RORA: variants seen among roughly 807,000 people sequenced by gnomAD.
RORA encodes RAR related orphan receptor A, also known as nuclear receptor ROR-alpha.
RORA carries 7 observed loss-of-function variants against 69.5 expected under a neutral mutation model. The observed-to-expected ratio is 0.10, with a 90% confidence interval of 0.06 to 0.19. The LOEUF (loss-of-function observed/expected upper bound fraction) is 0.19. Ranked by LOEUF, RORA falls within the 10% of genes least tolerant of loss-of-function variation. RORA has a pLI of 1.00. For missense variants in RORA, 457 were observed against 663.0 expected (o/e 0.69, Z 3.41); for synonymous variants, 261 against 240.8 (o/e 1.08, Z -0.78).
intron 1 of RORA, among the ~76,000 whole-genome samples, chr15:60,893,634 T>C (rs1891142047): frequency 6.6e-6 from 1 of 152,080 alleles, no homozygotes; most frequent in Non-Finnish European, 1.5e-5. Context: ...GGATAAGCCC[T>C]CTAAGAAAGA....
chr15:60,514,457 G>A (rs1364431146), intron 4 of RORA, among the ~76,000 whole-genome samples, 159 bp downstream of exon 4: 1 of 152,154 alleles, frequency 6.6e-6, no homozygotes, highest in Non-Finnish European at 1.5e-5. Context: ...CAGCTGCTGT[G>A]AGTTCCATGT....
At chr15:60,854,879 G>A (rs556915510) in intron 1 of RORA, among the ~76,000 whole-genome samples, 1 of 152,334 alleles carries the variant, frequency 6.6e-6, no homozygotes, top group East Asian at 1.9e-4. Context: ...TTTCCAGAAG[G>A]AAATCAATCA....
intron 1 of RORA, among the ~76,000 whole-genome samples, chr15:61,043,598 T>C (rs1213670614): frequency 2.0e-5 from 3 of 152,110 alleles, no homozygotes; most frequent in Admixed American, 6.5e-5. Context: ...CACCTAACCA[T>C]AGAAATGCAC....
chr15:60,710,212 G>C (rs2071124674), intron 1 of RORA, among the ~76,000 whole-genome samples: 1 of 152,180 alleles, frequency 6.6e-6, no homozygotes, highest in Non-Finnish European at 1.5e-5. Context: ...TAGTTGGCCA[G>C]GTGCAGTGGC....
chr15:60,709,074 T>G (rs925467848), intron 1 of RORA, among the ~76,000 whole-genome samples: 10 of 152,168 alleles, frequency 6.6e-5, no homozygotes, highest in African/African-American at 2.4e-4. Flanking sequence ...AGGAAACCAT[T>G]GATTTTCCAT....
chr15:60,964,053 A>C (rs1367122461), intron 1 of RORA, among the ~76,000 whole-genome samples: 4 of 152,226 alleles, frequency 2.6e-5, no homozygotes, highest in Non-Finnish European at 4.4e-5. Context: ...TTGTCCTGTA[A>C]GATAGGAATC....
chr15:60,531,911 T>C lies in RORA; in HGVS notation c.197-60A>G. On this transcript the variant is annotated intron_variant, in intron 2 of 10. Transcript: ENST00000335670. This position sits in a 1 kb window ranked among gnomAD's most constrained non-coding sequence, Gnocchi z 4.8. ...TTCTTTTAAACACCTTATAAAAGCGTTCCCTGATCAGCATTTGTATAGTGA... is the reference window on the plus strand; with the variant it reads ...TTCTTTTAAACACCTTATAAAAGCGCTCCCTGATCAGCATTTGTATAGTGA... 1.0e-6 allele frequency: 1 copy of C among 955,460 alleles called. No individual in the cohort carries two copies. Among genetic ancestry groups the C allele is most frequent in the Non-Finnish European group, 1.6e-6 (1 of 610,724 alleles). 59.2% of individuals were successfully genotyped at this position (955,460 alleles called of 1,614,324 possible).
chr15:61,088,160 T>C (rs954655448), intron 1 of RORA, among the ~76,000 whole-genome samples: 3 of 152,144 alleles, frequency 2.0e-5, no homozygotes, highest in South Asian at 2.1e-4. Context: ...AGGTCATCTA[T>C]GAAATATGAC....
At chr15:61,215,187 T>C (rs2080029900) in intron 1 of RORA, among the ~76,000 whole-genome samples, 1 of 151,962 alleles carries the variant, frequency 6.6e-6, no homozygotes, top group Admixed American at 6.6e-5. Flanking sequence ...CTGGCCCTTC[T>C]TGTACTTTTA....
At chr15:60,809,005 C>T (rs977247316) in intron 1 of RORA, among the ~76,000 whole-genome samples, 1 of 152,004 alleles carries the variant, frequency 6.6e-6, no homozygotes, top group Non-Finnish European at 1.5e-5. Context: ...ACACATTGGA[C>T]TTTGGAGACT....
chr15:60,575,879 T>A (rs942836928), intron 2 of RORA, among the ~76,000 whole-genome samples: 1 of 152,244 alleles, frequency 6.6e-6, no homozygotes, highest in African/African-American at 2.4e-5. Flanking sequence ...GTTTCCCAAA[T>A]TGGAAAGTTA....
intron 1 of RORA, among the ~76,000 whole-genome samples, chr15:60,931,013 T>C (rs1892358818): frequency 6.6e-6 from 1 of 152,148 alleles, no homozygotes; most frequent in Non-Finnish European, 1.5e-5. Context: ...TTCTACAGTG[T>C]TATGAGAGGG....
At chr15:61,067,080 T>A (rs1284227590) in intron 1 of RORA, among the ~76,000 whole-genome samples, 1 of 151,770 alleles carries the variant, frequency 6.6e-6, no homozygotes, top group South Asian at 2.1e-4. Context: ...TGACATATTA[T>A]CTATGTATGT....
intron 1 of RORA, among the ~76,000 whole-genome samples, chr15:61,177,043 CGAT>C (rs1022291530): frequency 1.3e-5 from 2 of 152,072 alleles, no homozygotes; most frequent in Admixed American, 1.3e-4. Context: ...AAATGGATAT[CGAT>C]GATTGAAGAT....
At chr15:60,891,792 T>C (rs1057265660) in intron 1 of RORA, among the ~76,000 whole-genome samples, 13 of 152,252 alleles carry the variant, frequency 8.5e-5, no homozygotes, top group Non-Finnish European at 1.5e-4. Context: ...TTGGTTTTTC[T>C]GTTCTTTGTG....
intron 1 of RORA, among the ~76,000 whole-genome samples, chr15:60,828,621 T>C (rs932351687): frequency 1.3e-5 from 2 of 152,150 alleles, no homozygotes; most frequent in African/African-American, 4.8e-5. Flanking sequence ...TCTGTGACCC[T>C]CAAAGAGAAA....
intron 1 of RORA, among the ~76,000 whole-genome samples, chr15:61,077,056 C>T (rs2078462208): frequency 2.0e-5 from 3 of 152,080 alleles, no homozygotes; most frequent in Non-Finnish European, 4.4e-5. Context: ...TGCGGTAATG[C>T]CTTAAACGGA....
intron 1 of RORA, among the ~76,000 whole-genome samples, chr15:60,960,592 A>G (rs1893389811): frequency 6.6e-6 from 1 of 151,968 alleles, no homozygotes; most frequent in Non-Finnish European, 1.5e-5. Context: ...CAGACACACC[A>G]GTTTCTCCTT....
intron 1 of RORA, among the ~76,000 whole-genome samples, chr15:61,184,903 C>T (rs939668732): frequency 7.4e-5 from 11 of 148,950 alleles, no homozygotes; most frequent in Admixed American, 2.7e-4. Flanking sequence ...GAAGATACCT[C>T]GAGCTCAGCA....
Sources: allele counts gnomAD v4.1 joint callset (sites outside exome capture counted in the v4.1 genomes callset), GRCh38; gene constraint gnomAD v4.1.1; non-coding constraint Gnocchi (gnomAD v3.1); transcripts MANE v1.5; gene names NCBI Gene and HGNC (gene_info 2026-07-23, HGNC 2026-07-21).